The following VWA8 variants were observed in gnomAD, a reference collection of about 807,000 sequenced individuals.
The protein encoded by VWA8 is von Willebrand factor A domain containing 8, also known as von Willebrand factor A domain-containing protein 8.
Under a neutral mutation model 241.5 loss-of-function variants are expected in VWA8, and 221 were observed. The ratio of observed to expected loss-of-function variants is 0.91; its 90% CI spans 0.82 to 1.02. The LOEUF (loss-of-function observed/expected upper bound fraction) is 1.02. Ranked by LOEUF, VWA8 falls within the 50% of genes least tolerant of loss-of-function variation. VWA8 has a pLI of 0.00. For synonymous variants in VWA8, 852 were observed against 827.1 expected (o/e 1.03, Z -0.52); for missense variants, 2,322 against 2,328.7 (o/e 1.00, Z 0.06).
chr13:41,701,935 T>A (rs1304761359), intron 27 of VWA8, among the ~76,000 whole-genome samples: 1 of 152,216 alleles, frequency 6.6e-6, no homozygotes, highest in South Asian at 2.1e-4. Flanking sequence ...TGAAGAAGGA[T>A]TTTTATGTCA....
At chr13:41,890,855 A>T (rs1203366923) in intron 5 of VWA8, among the ~76,000 whole-genome samples, 1 of 152,186 alleles carries the variant, frequency 6.6e-6, no homozygotes, top group Non-Finnish European at 1.5e-5. Context: ...CTGTGTTGAG[A>T]CCAGTGTCAG....
intron 9 of VWA8, among the ~76,000 whole-genome samples, chr13:41,875,599 G>A (rs2225440): frequency 0.36 from 55,220 of 151,726 alleles, 10,375 homozygotes; most frequent in African/African-American, 0.46. Flanking sequence ...GATCTTGGTA[G>A]GTCCATCAAT....
intron 37 of VWA8, among the ~76,000 whole-genome samples, chr13:41,637,480 G>A (rs2044766682): frequency 6.6e-6 from 1 of 150,812 alleles, no homozygotes; most frequent in African/African-American, 2.4e-5. Flanking sequence ...GAGTTAATGG[G>A]TGCAGCACAC....
rs1869014051 is a variant in VWA8 at position 41,783,845 on chromosome 13, C to T, written c.2227G>A (p.Ala743Thr). 6.2e-7 allele frequency: 1 copy of T among 1,613,554 alleles called. No individual in the cohort carries two copies. The highest frequency in any genetic ancestry group is 1.3e-5 in the African/African-American group (1 of 74,878). Residue 743 changes from alanine (A) to threonine (T), a missense_variant, in exon 19 of 45, where the codon GCA becomes ACA. By Grantham distance (58) the Ala-to-Thr change is moderately conservative. Transcript: ENST00000379310. The part of the protein sequence containing the change: ...IGAVSAPIYN[A>T]HEKMKVPDVL... ...TCAGGCACTTTCATTTTCTCATGTGCATTATAGATCGGTGCACTAACAGCA... is the reference window on the plus strand; with the variant it reads ...TCAGGCACTTTCATTTTCTCATGTGTATTATAGATCGGTGCACTAACAGCA...
chr13:41,604,024 T>A lies in VWA8; in HGVS notation c.4986+1144A>T, dbSNP rs56377911. 4.7e-3 allele frequency among the ~76,000 whole-genome samples: 714 copies of A among 152,264 alleles called. 3 individuals carry two copies. The highest frequency in any genetic ancestry group is 7.8e-3 in the Non-Finnish European group (532 of 68,008). ...TAATGCCTGGTGTGCATCGAGAACT[T>A]AAGAAGTGAGTGAATCACTGAACCA... On this transcript the variant is annotated intron_variant, in intron 40 of 44. Coordinates refer to ENST00000379310, the MANE Select transcript of VWA8 (RefSeq NM_015058.2).
At position 41,909,054 on chromosome 13, in the gene VWA8, A is replaced by AT. The variant is rs199938365; in HGVS notation, c.373-1359dup. 4.8e-3 allele frequency among the ~76,000 whole-genome samples: 683 copies of AT among 143,350 alleles called. 3 individuals carry two copies. Among genetic ancestry groups the AT allele is most frequent in the African/African-American group, 0.011 (432 of 39,174 alleles). The allele number at this position is 143,350 out of a possible 152,430, so 94.0% of individuals were successfully genotyped here. A position where few individuals can be genotyped will look rare whatever the true frequency, so the allele number is the denominator to read the frequency against. ...TTTATGTACGTAAAGGAGGAAAAAA[A>AT]TTTTTTTTTTTTTTTTTTGAGATAG... is the stretch of plus-strand genomic sequence containing the variant. On this transcript the variant is annotated intron_variant, in intron 3 of 44. Transcript: ENST00000379310.
intron 12 of VWA8, among the ~76,000 whole-genome samples, chr13:41,851,117 C>T (rs1289817631): frequency 6.6e-6 from 1 of 152,080 alleles, no homozygotes; most frequent in Non-Finnish European, 1.5e-5. Flanking sequence ...ATCTTGAGAA[C>T]TTATTCATTC....
chr13:41,857,391 T>C (rs1277698929), intron 12 of VWA8, among the ~76,000 whole-genome samples: 2 of 152,208 alleles, frequency 1.3e-5, no homozygotes, highest in African/African-American at 2.4e-5. Context: ...GAAGCATCCA[T>C]ATCATATTTT....
intron 18 of VWA8, among the ~76,000 whole-genome samples, chr13:41,785,109 T>C (rs930983200): frequency 6.6e-6 from 1 of 152,104 alleles, no homozygotes; most frequent in Admixed American, 6.5e-5. Flanking sequence ...ATAACATTAA[T>C]AGTAGTAGGT....
intron 13 of VWA8, among the ~76,000 whole-genome samples, 170 bp downstream of exon 13, chr13:41,833,201 T>A (rs1871546693): frequency 6.6e-6 from 1 of 152,120 alleles, no homozygotes; most frequent in South Asian, 2.1e-4. Context: ...TTTACTGCAT[T>A]GTGTTTATAA....
intron 22 of VWA8, among the ~76,000 whole-genome samples, chr13:41,730,637 AAAAG>A (rs1216761738): frequency 2.0e-5 from 3 of 152,314 alleles, no homozygotes; most frequent in African/African-American, 7.2e-5. Flanking sequence ...TGACATCATG[AAAAG>A]AAAGATGAAA....
At chr13:41,806,001 T>TA (rs60826821) in intron 17 of VWA8, among the ~76,000 whole-genome samples, 4,597 of 118,876 alleles carry the variant, frequency 0.039, 187 homozygotes, top group African/African-American at 0.12. Context: ...AATTCAAAAA[T>TA]AAAAAAAAAA....
At chr13:41,756,343 C>T (rs1316468872) in intron 21 of VWA8, among the ~76,000 whole-genome samples, 10 of 151,548 alleles carry the variant, frequency 6.6e-5, no homozygotes, top group Non-Finnish European at 1.3e-4. Flanking sequence ...TCTCCTTTTT[C>T]GCTGGTTATG....
chr13:41,761,331 T>C, intron 20 of VWA8, 127 bp from the exon 21 acceptor site: 1 of 866,210 alleles, frequency 1.2e-6, no homozygotes, highest in Non-Finnish European at 1.8e-6. Flanking sequence ...TTATTGTTCA[T>C]GAAAACCAAA....
At chr13:41,639,070 T>C (rs2044778003) in intron 37 of VWA8, among the ~76,000 whole-genome samples, 1 of 152,138 alleles carries the variant, frequency 6.6e-6, no homozygotes, top group Non-Finnish European at 1.5e-5. Flanking sequence ...ACTGGAATAT[T>C]GTCTGAGAAT....
intron 25 of VWA8, 76 bp from the exon 26 acceptor site, chr13:41,719,818 G>A: frequency 7.4e-7 from 1 of 1,350,772 alleles, no homozygotes; most frequent in South Asian, 1.5e-5. Context: ...AAATGGATAG[G>A]ACAATAATGA....
chr13:41,755,902 A>C (rs929825951), intron 21 of VWA8, among the ~76,000 whole-genome samples: 1 of 151,914 alleles, frequency 6.6e-6, no homozygotes, highest in African/African-American at 2.4e-5. Flanking sequence ...TTAGGCATTC[A>C]CATCAAAAAG....
intron 23 of VWA8, 46 bp from the exon 24 acceptor site, chr13:41,727,359 T>A: frequency 8.3e-7 from 1 of 1,200,240 alleles, no homozygotes; most frequent in South Asian, 1.6e-5. Context: ...TTAATAATTC[T>A]TAAAAATATC....
At position 41,705,977 on chromosome 13, in the gene VWA8, A is replaced by G. The variant is rs1045221593; in HGVS notation, c.3117-2566T>C. Among the ~76,000 whole-genome samples the G allele has an allele frequency of 6.6e-5, 10 of 152,324 alleles. No individual in the cohort carries two copies. In the East Asian group the frequency reaches 1.9e-3, roughly 29 times the overall value. On this transcript the variant is annotated intron_variant, in intron 26 of 44. Transcript: ENST00000379310. ...AAATTGGTTCTTTGAAGACAACAGAAACAGTTTCACATCTTGAAATTTAAT... is the reference window on the plus strand; with the variant it reads ...AAATTGGTTCTTTGAAGACAACAGAGACAGTTTCACATCTTGAAATTTAAT...
Sources: allele counts gnomAD v4.1 joint callset (sites outside exome capture counted in the v4.1 genomes callset), GRCh38; gene constraint gnomAD v4.1.1; transcripts MANE v1.5; gene names NCBI Gene and HGNC (gene_info 2026-07-23, HGNC 2026-07-21).